The following SH3KBP1 variants were observed in gnomAD, a reference collection of about 807,000 sequenced individuals.
The protein encoded by SH3KBP1 is SH3 domain containing kinase binding protein 1.
In SH3KBP1, 8 loss-of-function variants were observed where a neutral mutation model predicts 50.1. The observed-to-expected ratio is 0.16, with a 90% CI of 0.09 to 0.29. SH3KBP1 has a LOEUF of 0.29. Ranked by LOEUF, SH3KBP1 falls within the 10% of genes least tolerant of loss-of-function variation. SH3KBP1 has a pLI of 1.00. For synonymous variants in SH3KBP1, 227 were observed against 218.6 expected (o/e 1.04, Z -0.34); for missense variants, 377 against 535.2 (o/e 0.70, Z 2.92).
chrX:19,624,403 C>G (rs1019210210), intron 8 of SH3KBP1, among the ~76,000 whole-genome samples: 1 of 111,586 alleles, frequency 9.0e-6, no homozygotes, highest in Non-Finnish European at 1.9e-5. Context: ...TGAACAAACA[C>G]AGGATCTCTT....
At chrX:19,636,822 T>A (rs891825426) in intron 7 of SH3KBP1, among the ~76,000 whole-genome samples, 12 of 112,132 alleles carry the variant, frequency 1.1e-4, no homozygotes, top group Non-Finnish European at 1.9e-5. Flanking sequence ...CTGAGTTCAG[T>A]TTTAGGGTAT....
chrX:19,752,868 G>A (rs1042141513), intron 2 of SH3KBP1, among the ~76,000 whole-genome samples: 1 of 111,945 alleles, frequency 8.9e-6, no homozygotes, highest in African/African-American at 3.2e-5. Context: ...GATGTTTTCT[G>A]GGATCAACAT....
intron 2 of SH3KBP1, among the ~76,000 whole-genome samples, chrX:19,766,476 A>T (rs1191542772): frequency 2.3e-5 from 1 of 43,596 alleles, no homozygotes; most frequent in African/African-American, 9.4e-5. Context: ...GAGTCTGTTG[A>T]TTGCATCTTT....
intron 12 of SH3KBP1, among the ~76,000 whole-genome samples, chrX:19,577,062 A>G (rs966123069): frequency 8.9e-6 from 1 of 112,239 alleles, no homozygotes; most frequent in Admixed American, 9.4e-5. Context: ...CCTCTGCCCA[A>G]TCCTTCTTCC....
chrX:19,711,968 C>T (rs1418780730), intron 3 of SH3KBP1, among the ~76,000 whole-genome samples: 2 of 111,660 alleles, frequency 1.8e-5, no homozygotes, highest in East Asian at 5.6e-4. Flanking sequence ...GAGTAACACA[C>T]ATGAAAATCT....
chrX:19,626,464 T>C (rs1033809329), intron 8 of SH3KBP1, among the ~76,000 whole-genome samples: 1 of 111,982 alleles, frequency 8.9e-6, no homozygotes, highest in Non-Finnish European at 1.9e-5. Flanking sequence ...ATTAAAATTG[T>C]TGTCAATAAT....
chrX:19,703,628 CT>C (rs1052326521), intron 4 of SH3KBP1, among the ~76,000 whole-genome samples: 2 of 109,878 alleles, frequency 1.8e-5, no homozygotes, highest in African/African-American at 6.6e-5. Flanking sequence ...TGATTCAACT[CT>C]TTCAAAAAAA....
At chrX:19,769,381 G>A (rs1271300747) in intron 2 of SH3KBP1, among the ~76,000 whole-genome samples, 3 of 110,407 alleles carry the variant, frequency 2.7e-5, no homozygotes, top group Non-Finnish European at 5.7e-5. Flanking sequence ...TGGGATTACA[G>A]GTGTGAGCCA....
chrX:19,881,679 C>T (rs1211757679), intron 1 of SH3KBP1, among the ~76,000 whole-genome samples: 5 of 111,314 alleles, frequency 4.5e-5, no homozygotes, highest in Admixed American at 2.9e-4. Flanking sequence ...ATGTGGGCAT[C>T]GTCAATAGGC....
At chrX:19,832,654 C>T (rs2067928335) in intron 2 of SH3KBP1, among the ~76,000 whole-genome samples, 1 of 110,711 alleles carries the variant, frequency 9.0e-6, no homozygotes, top group African/African-American at 3.3e-5. Context: ...TCCCCCCGCC[C>T]CCCAATCTCA....
chrX:19,799,534 T>C, intron 2 of SH3KBP1: 1 of 861,379 alleles, frequency 1.2e-6, no homozygotes, highest in Non-Finnish European at 1.7e-6. Context: ...GAGACCAAAT[T>C]CCCCATCATG....
chrX:19,783,875 A>C (rs191759390), intron 2 of SH3KBP1, among the ~76,000 whole-genome samples: 1 of 111,976 alleles, frequency 8.9e-6, no homozygotes, highest in African/African-American at 3.2e-5. Context: ...CATGCAATCA[A>C]TTCACTGGTT....
chrX:19,803,751 A>T (rs943203542), intron 2 of SH3KBP1, among the ~76,000 whole-genome samples: 30 of 111,702 alleles, frequency 2.7e-4, no homozygotes, highest in African/African-American at 8.5e-4. Context: ...AGTTATCAAA[A>T]AAAATAAAAT....
chrX:19,743,218 G>A (rs1265058151), intron 3 of SH3KBP1, among the ~76,000 whole-genome samples: 2 of 111,277 alleles, frequency 1.8e-5, no homozygotes, highest in Non-Finnish European at 3.8e-5. Context: ...GACTAGCTAG[G>A]CAACATGGCA....
At chrX:19,577,730 G>A (rs1255834512) in intron 12 of SH3KBP1, among the ~76,000 whole-genome samples, 1 of 107,606 alleles carries the variant, frequency 9.3e-6, no homozygotes, top group Non-Finnish European at 1.9e-5. Flanking sequence ...AGCACTAACA[G>A]CAGCCACAAA....
At chrX:19,631,690 C>G (rs761597360) in intron 8 of SH3KBP1, among the ~76,000 whole-genome samples, 174 bp downstream of exon 8, 25 of 112,420 alleles carry the variant, frequency 2.2e-4, no homozygotes, top group Non-Finnish European at 4.3e-4. Context: ...TCAACGAATG[C>G]ATTCACTTGG....
Position 19,670,722 on chromosome X carries a change from C to A in SH3KBP1, c.726+13101G>T, listed in dbSNP as rs771221070. On this transcript the variant is annotated intron_variant, in intron 6 of 17. Transcript: ENST00000397821. The stretch of plus-strand genomic sequence containing the variant: ...TATCCATAGCTCCCCTCTGTGGGAT[C>A]CTAGCTGGCACACACATTGTTTCAA... The A allele has an allele frequency of 2.2e-4, 133 of 603,080 alleles. No homozygotes were observed. In the African/African-American group the frequency reaches 2.9e-3, roughly 13 times the overall value. 49.7% of individuals were successfully genotyped at this position (603,080 alleles called of 1,213,427 possible). A position where few individuals can be genotyped will look rare whatever the true frequency, so the allele number is the denominator to read the frequency against.
chrX:19,774,654 A>AAAAGAATG (rs2065906989), intron 2 of SH3KBP1, among the ~76,000 whole-genome samples: 1 of 77,279 alleles, frequency 1.3e-5, no homozygotes, highest in Non-Finnish European at 2.4e-5. Flanking sequence ...GTCTCAAAAA[A>AAAAGAATG]AAAGAAAGAA....
chrX:19,777,817 ACT>A (rs1374308308), intron 2 of SH3KBP1, among the ~76,000 whole-genome samples: 1 of 111,119 alleles, frequency 9.0e-6, no homozygotes, highest in African/African-American at 3.3e-5. Flanking sequence ...AGAAATGCAG[ACT>A]CTCTGGCCCC....
Sources: gnomAD v4.1 joint callset for allele counts (sites outside exome capture counted in the v4.1 genomes callset) on GRCh38, gnomAD v4.1.1 for gene constraint, MANE v1.5 for transcripts, NCBI Gene and HGNC (gene_info 2026-07-23, HGNC 2026-07-21) for gene names.